PCDHA12: variants seen among roughly 807,000 people sequenced by gnomAD.
PCDHA12 encodes the protein protocadherin alpha-12.
In PCDHA12, 44 loss-of-function variants were observed where a neutral mutation model predicts 60.0. The observed-to-expected ratio is 0.73, with a 90% CI of 0.58 to 0.94. The LOEUF is 0.94. Among genes scored for constraint, PCDHA12 ranks in the 40% least tolerant of loss-of-function variants. The pLI is 0.00. For synonymous variants in PCDHA12, 569 were observed against 553.0 expected (o/e 1.03, Z -0.40); for missense variants, 1,276 against 1,239.7 (o/e 1.03, Z -0.44).
rs782339436 is a variant in PCDHA12, at chr5:140,928,591, G to A, written c.2368-50358G>A. The A allele has an allele frequency of 3.1e-6, 5 of 1,614,230 alleles. No individual in the cohort carries two copies. The South Asian group carries it at 5.5e-5, about 18-fold the overall frequency. ...CTTGCCCAGAAATGGTTCTGTCCCA[G>A]TGGAAATTGTGCCCCGCTCTGCCAG... On this transcript the variant is annotated intron_variant, in intron 1 of 3. Coordinates refer to ENST00000398631, the MANE Select transcript of PCDHA12 (RefSeq NM_018903.4).
chr5:140,981,726 T>C (rs1554243283), intron 2 of PCDHA12, among the ~76,000 whole-genome samples: 1 of 151,710 alleles, frequency 6.6e-6, no homozygotes, highest in Non-Finnish European at 1.5e-5. Context: ...CCAACAAATA[T>C]TTGAGAGATT....
chr5:140,888,263 A>G (rs1251792046), intron 1 of PCDHA12, among the ~76,000 whole-genome samples: 1 of 152,136 alleles, frequency 6.6e-6, no homozygotes, highest in East Asian at 1.9e-4. Flanking sequence ...GTTCTTGATA[A>G]GAAACAGTTT....
chr5:140,934,703 A>G (rs1348150058), intron 1 of PCDHA12, among the ~76,000 whole-genome samples: 1 of 152,156 alleles, frequency 6.6e-6, no homozygotes, highest in Non-Finnish European at 1.5e-5. Flanking sequence ...ATTCCTGGCC[A>G]TCTTACAAAA....
chr5:140,967,641 T>C (rs2096165933), intron 1 of PCDHA12: 1 of 1,614,004 alleles, frequency 6.2e-7, no homozygotes, highest in East Asian at 2.2e-5. Context: ...AATGGTGAGC[T>C]CAGGTACTCC....
At chr5:140,931,373 C>T (rs1290408788) in intron 1 of PCDHA12, among the ~76,000 whole-genome samples, 1 of 151,646 alleles carries the variant, frequency 6.6e-6, no homozygotes, top group Non-Finnish European at 1.5e-5. Context: ...TTTCACTAGA[C>T]TAGAAAGGAA....
intron 1 of PCDHA12, among the ~76,000 whole-genome samples, chr5:140,962,147 T>C (rs2095660496): frequency 1.3e-5 from 2 of 152,176 alleles, no homozygotes; most frequent in South Asian, 4.1e-4. Context: ...AGTGCTGGGA[T>C]TACAGGCGTG....
intron 1 of PCDHA12, among the ~76,000 whole-genome samples, chr5:140,889,028 C>T (rs1015343865): frequency 4.0e-5 from 6 of 151,754 alleles, no homozygotes; most frequent in African/African-American, 7.3e-5. Flanking sequence ...CTTGGATAAC[C>T]GTAATTTGAT....
intron 1 of PCDHA12, among the ~76,000 whole-genome samples, chr5:140,934,465 A>G (rs1313806464): frequency 1.3e-5 from 2 of 152,152 alleles, no homozygotes; most frequent in African/African-American, 4.8e-5. Context: ...ATGTTTTAAC[A>G]TTATTTTGAA....
intron 1 of PCDHA12, chr5:140,928,133 T>C (rs1208134482): frequency 1.2e-6 from 2 of 1,614,090 alleles, no homozygotes; most frequent in Non-Finnish European, 1.7e-6. Context: ...TACCAAGTCC[T>C]GATCACGGCC....
At chr5:140,978,455 G>A (rs782473387) in intron 1 of PCDHA12, among the ~76,000 whole-genome samples, 21 of 152,302 alleles carry the variant, frequency 1.4e-4, no homozygotes, top group Non-Finnish European at 2.8e-4. Context: ...GGGCACATCC[G>A]CCCTGGGTCA....
intron 1 of PCDHA12, among the ~76,000 whole-genome samples, chr5:140,975,537 C>T (rs1554236874): frequency 6.6e-6 from 1 of 152,166 alleles, no homozygotes; most frequent in African/African-American, 2.4e-5. Context: ...ATTCTTAATA[C>T]AGTCCTATTA....
At chr5:140,946,546 A>G (rs1418590491) in intron 1 of PCDHA12, among the ~76,000 whole-genome samples, 5 of 150,480 alleles carry the variant, frequency 3.3e-5, no homozygotes, top group Admixed American at 1.3e-4. Flanking sequence ...AGCATTATTC[A>G]TGATAGTTCA....
Position 140,875,657 on chromosome 5 carries a change from G to T in PCDHA12, c.185G>T (p.Arg62Leu), listed in dbSNP as rs1241102848. 6 of 1,613,738 alleles carry T rather than the reference G, an allele frequency of 3.7e-6. No homozygotes were observed. The East Asian group carries it at 1.1e-4, about 30-fold the overall frequency. Reference sequence around the variant, plus strand: ...CTGGAGCTGGCGGAGCTGGTGCCGCGCCTGTTCCGGGTGGCGTCCAAAAGA... The same window carrying T: ...CTGGAGCTGGCGGAGCTGGTGCCGCTCCTGTTCCGGGTGGCGTCCAAAAGA... Reference protein sequence around the residue: ...LGLELAELVPRLFRVASKRHG... With the variant: ...LGLELAELVPLLFRVASKRHG... Residue 62 changes from arginine (R) to leucine (L), a missense_variant, in exon 1 of 4, where the codon CGC (arginine) becomes CTC (leucine). Arg to Leu is a moderately radical substitution (Grantham distance 102). Coordinates refer to ENST00000398631, the MANE Select transcript of PCDHA12 (RefSeq NM_018903.4).
chr5:140,961,738 G>A (rs976601916), intron 1 of PCDHA12, among the ~76,000 whole-genome samples: 2 of 152,118 alleles, frequency 1.3e-5, no homozygotes, highest in African/African-American at 4.8e-5. Flanking sequence ...AATCACTTTA[G>A]TAATATTACA....
intron 1 of PCDHA12, among the ~76,000 whole-genome samples, chr5:140,916,237 A>G (rs1004473327): frequency 6.6e-6 from 1 of 152,182 alleles, no homozygotes; most frequent in African/African-American, 2.4e-5. Context: ...CCAGGAGCCA[A>G]AGCCTGGACT....
At chr5:140,964,961 G>A (rs552220130) in intron 1 of PCDHA12, among the ~76,000 whole-genome samples, 1 of 152,320 alleles carries the variant, frequency 6.6e-6, no homozygotes, top group Non-Finnish European at 1.5e-5. Context: ...TTGGTTGGTG[G>A]AACGAAGGGA....
At chr5:140,883,773 G>T (rs1362933627) in intron 1 of PCDHA12, 4 of 1,612,256 alleles carry the variant, frequency 2.5e-6, no homozygotes, top group Admixed American at 1.7e-5. Flanking sequence ...GTGGGCGAGC[G>T]TGCGCTGTCG....
Position 140,876,648 on chromosome 5 carries a change from T to A in PCDHA12, c.1176T>A (p.His392Gln). The change falls in exon 1 of 4, where the codon CAT (histidine) becomes CAA (glutamine). Residue 392 changes from histidine (H) to glutamine (Q), a missense_variant. His to Gln is a conservative substitution (Grantham distance 24). Coordinates refer to ENST00000398631, the MANE Select transcript of PCDHA12 (RefSeq NM_018903.4). Reference sequence around the variant, plus strand: ...AGGTCATCTGCTCACTGACACCTCATGTTCCCTTCAAGCTGGTGTCCACCT... The same window carrying A: ...AGGTCATCTGCTCACTGACACCTCAAGTTCCCTTCAAGCTGGTGTCCACCT... ...NGQVICSLTP[H>Q]VPFKLVSTYK... 2.5e-6 allele frequency: 4 copies of A among 1,614,208 alleles called. No homozygotes were observed. The highest frequency in any genetic ancestry group is 3.4e-6 in the Non-Finnish European group (4 of 1,180,034).
intron 1 of PCDHA12, among the ~76,000 whole-genome samples, chr5:140,965,094 A>G (rs1289535686): frequency 6.6e-6 from 1 of 152,236 alleles, no homozygotes; most frequent in Non-Finnish European, 1.5e-5. Context: ...TCCAGTCCAT[A>G]GCTAGAAAAT....
Sources: allele counts gnomAD v4.1 joint callset (sites outside exome capture counted in the v4.1 genomes callset), GRCh38; gene constraint gnomAD v4.1.1; transcripts MANE v1.5; gene names NCBI Gene and HGNC (gene_info 2026-07-23, HGNC 2026-07-21).